The following XKR9 variants were observed in gnomAD, a reference collection of about 807,000 sequenced individuals.
The protein encoded by XKR9 is XK-related protein 9.
A neutral mutation model predicts 32.0 loss-of-function variants in XKR9; 32 were observed. That is an observed-to-expected ratio of 1.00 (90% CI 0.76 to 1.34). The LOEUF (loss-of-function observed/expected upper bound fraction) is 1.34, where lower values mean the gene tolerates loss of function less well. XKR9 is among the 40% of genes most tolerant of loss of function. The pLI is 0.00. For missense variants in XKR9, 546 were observed against 429.7 expected (o/e 1.27, Z -2.39); for synonymous variants, 168 against 143.4 (o/e 1.17, Z -1.22).
the XKR9 span, among the ~76,000 whole-genome samples, chr8:71,022,652 G>A: frequency 0.43 from 65,812 of 151,966 alleles, 15,300 homozygotes; most frequent in Non-Finnish European, 0.53. Flanking sequence ...GCATCTGGAT[G>A]TCTCAATCTC....
the XKR9 span, among the ~76,000 whole-genome samples, chr8:70,906,233 T>C: frequency 1.3e-5 from 2 of 152,192 alleles, no homozygotes; most frequent in Non-Finnish European, 2.9e-5. Context: ...AGAGGTGGAG[T>C]CTGCAGAGGC....
At chr8:70,880,028 C>A in the XKR9 span, among the ~76,000 whole-genome samples, 2 of 152,056 alleles carry the variant, frequency 1.3e-5, no homozygotes, top group South Asian at 4.1e-4. Flanking sequence ...CAAAGCCACA[C>A]AATTATCTCA....
the XKR9 span, among the ~76,000 whole-genome samples, chr8:70,924,559 C>T: frequency 6.6e-6 from 1 of 152,240 alleles, no homozygotes; most frequent in African/African-American, 2.4e-5. Flanking sequence ...CCAAACGTGC[C>T]GAAGCCACCA....
chr8:70,812,377 G>T, the XKR9 span, among the ~76,000 whole-genome samples: 1 of 152,162 alleles, frequency 6.6e-6, no homozygotes, highest in Non-Finnish European at 1.5e-5. Context: ...TTTGAAAACT[G>T]GCACAAGACA....
the XKR9 span, among the ~76,000 whole-genome samples, chr8:70,797,905 T>C: frequency 6.6e-6 from 1 of 152,230 alleles, no homozygotes; most frequent in Non-Finnish European, 1.5e-5. Flanking sequence ...TGTGGCTGCA[T>C]AGTATTCCAT....
the XKR9 span, among the ~76,000 whole-genome samples, chr8:70,949,082 G>T: frequency 1.3e-5 from 2 of 152,100 alleles, no homozygotes; most frequent in South Asian, 2.1e-4. Context: ...ACTTGTATGG[G>T]CTGGGATGTC....
intron 3 of XKR9, among the ~76,000 whole-genome samples, chr8:70,685,511 A>AATG (rs746146167): frequency 1.4e-5 from 2 of 144,554 alleles, no homozygotes; most frequent in East Asian, 2.1e-4. Context: ...TAATAATAAT[A>AATG]AAGAAAATGT....
At chr8:70,844,517 C>T in the XKR9 span, among the ~76,000 whole-genome samples, 7 of 152,200 alleles carry the variant, frequency 4.6e-5, no homozygotes, top group African/African-American at 1.7e-4. Flanking sequence ...CTGCTGCAGT[C>T]ACCCAAGCAT....
At chr8:70,915,773 G>A in the XKR9 span, among the ~76,000 whole-genome samples, 1 of 152,142 alleles carries the variant, frequency 6.6e-6, no homozygotes. Context: ...TTTGAGATGG[G>A]TATTCAGAGG....
At chr8:70,928,580 T>C in the XKR9 span, among the ~76,000 whole-genome samples, 1 of 152,160 alleles carries the variant, frequency 6.6e-6, no homozygotes, top group East Asian at 1.9e-4. Flanking sequence ...CTAGCCCATA[T>C]ACTTTAGTTG....
chr8:70,764,480 G>A (rs1454428545), intron 2 of XKR9, among the ~76,000 whole-genome samples: 1 of 152,116 alleles, frequency 6.6e-6, no homozygotes, highest in African/African-American at 2.4e-5. Flanking sequence ...AAAAGAATAA[G>A]CTTTCACATT....
the XKR9 span, among the ~76,000 whole-genome samples, chr8:70,958,459 T>C: frequency 6.6e-6 from 1 of 152,240 alleles, no homozygotes; most frequent in African/African-American, 2.4e-5. Flanking sequence ...ATCAGTGATG[T>C]TGATCTTTTT....
chr8:70,849,800 CCA>C, the XKR9 span, among the ~76,000 whole-genome samples: 1 of 152,104 alleles, frequency 6.6e-6, no homozygotes, highest in African/African-American at 2.4e-5. Flanking sequence ...ACCACTAATC[CCA>C]CAGAATTACA....
chr8:70,715,525 T>G (rs1806059201), intron 4 of XKR9, among the ~76,000 whole-genome samples: 1 of 152,128 alleles, frequency 6.6e-6, no homozygotes, highest in South Asian at 2.1e-4. Flanking sequence ...CAATATTGAT[T>G]AGCCTTAAAC....
In XKR9 at chr8:70,783,419, G is replaced by A. The variant is rs1174584858; in HGVS notation, n.353-5920G>A. On this transcript the variant is annotated intron_variant and non_coding_transcript_variant, in intron 2 of 3. Coordinates refer to the XKR9 transcript ENST00000520273. ...TTTTTTGTATTTTTAGTAGAGATGG[G>A]GTTTCACCGTGTTAGCCAGAATGGT... Among the ~76,000 whole-genome samples the A allele has an allele frequency of 7.9e-5, 12 of 151,910 alleles. 1 individual carries two copies. The highest frequency in any genetic ancestry group is 7.9e-4 in the Admixed American group (12 of 15,254).
At chr8:70,923,615 C>T in the XKR9 span, among the ~76,000 whole-genome samples, 1 of 152,206 alleles carries the variant, frequency 6.6e-6, no homozygotes, top group East Asian at 1.9e-4. Context: ...ACGTTTCAAC[C>T]ACAGTGGGTT....
the XKR9 span, among the ~76,000 whole-genome samples, chr8:70,871,568 C>A: frequency 2.0e-5 from 3 of 152,210 alleles, no homozygotes; most frequent in South Asian, 6.2e-4. Flanking sequence ...CTGCACACCA[C>A]CCTCATATAA....
chr8:70,805,714 A>G, the XKR9 span, among the ~76,000 whole-genome samples: 9 of 152,312 alleles, frequency 5.9e-5, no homozygotes, highest in African/African-American at 1.4e-4. Context: ...AGGAACTCCA[A>G]TAACTCCAGC....
chr8:70,733,757 T>G lies in XKR9; in HGVS notation c.494-39T>G. The G allele has an allele frequency of 3.5e-6, 5 of 1,441,436 alleles. No homozygotes were observed. The South Asian group carries it at 6.1e-5, about 17-fold the overall frequency. The allele number at this position is 1,441,436 out of a possible 1,614,324, so 89.3% of individuals were successfully genotyped here. On this transcript the variant is annotated intron_variant, in intron 4 of 4. Transcript: ENST00000408926. ...ATATAGTAATCTAATATTTCTATTA[T>G]TCCTATAACAATATATTTTTTATTT...
Sources: gnomAD v4.1 joint callset for allele counts (sites outside exome capture counted in the v4.1 genomes callset) on GRCh38, gnomAD v4.1.1 for gene constraint, MANE v1.5 for transcripts, NCBI Gene and HGNC (gene_info 2026-07-23, HGNC 2026-07-21) for gene names.